Variants in GLIPR1L2 observed in about 807,000 individuals in gnomAD.
GLIPR1L2 encodes the protein GLIPR1 like 2.
A neutral mutation model predicts 28.4 loss-of-function variants in GLIPR1L2; 21 were observed. The ratio of observed to expected loss-of-function variants is 0.74; its 90% CI spans 0.52 to 1.06. The LOEUF (loss-of-function observed/expected upper bound fraction) is 1.06, where lower values mean the gene tolerates loss of function less well. GLIPR1L2 is among the 50% of genes least tolerant of loss of function. The probability of loss-of-function intolerance (pLI) is 0.00; values close to 1 mark genes in which losing one functional copy is unlikely to be tolerated. For missense variants in GLIPR1L2, 476 were observed against 416.9 expected, an observed-to-expected ratio of 1.14 and a Z score of -1.23; for synonymous variants, 145 against 139.3, an observed-to-expected ratio of 1.04 and a Z score of -0.29.
intron 3 of GLIPR1L2, among the ~76,000 whole-genome samples, chr12:75,416,743 C>T (rs1468013160): frequency 1.3e-5 from 2 of 152,056 alleles, no homozygotes; most frequent in African/African-American, 4.8e-5. Context: ...GTTGAAATTA[C>T]CCTTTTTTTC....
rs2045671700 is a variant in GLIPR1L2 at position 75,395,323 on chromosome 12, G to A, written c.234+3973G>A. Among the ~76,000 whole-genome samples the A allele has an allele frequency of 2.6e-5, 4 of 151,860 alleles. No homozygotes were observed. The South Asian group carries it at 8.3e-4, about 31-fold the overall frequency. ...TTCTTTTAATGTGTTGTTAAATTCA[G>A]CTGTTTTTAATGTGCTGTTAAATTC... On this transcript the variant is annotated intron_variant, in intron 1 of 5. Coordinates refer to ENST00000550916, the MANE Select transcript of GLIPR1L2 (RefSeq NM_001270396.2).
intron 1 of GLIPR1L2, among the ~76,000 whole-genome samples, chr12:75,395,370 A>G (rs944491108): frequency 2.0e-5 from 3 of 151,900 alleles, no homozygotes; most frequent in South Asian, 2.1e-4. Flanking sequence ...GAAGATTTTT[A>G]TATTAATATT....
intron 2 of GLIPR1L2, among the ~76,000 whole-genome samples, chr12:75,412,414 A>G (rs2045877244): frequency 6.6e-6 from 1 of 152,130 alleles, no homozygotes; most frequent in African/African-American, 2.4e-5. Context: ...GGCAACCTAC[A>G]AAATGGGGGA....
At chr12:75,404,424 C>A (rs546939958) in intron 1 of GLIPR1L2, among the ~76,000 whole-genome samples, 1 of 152,104 alleles carries the variant, frequency 6.6e-6, no homozygotes, top group South Asian at 2.1e-4. Flanking sequence ...TGAATCTTTG[C>A]CAAATAAGAC....
intron 3 of GLIPR1L2, among the ~76,000 whole-genome samples, chr12:75,421,601 TC>T (rs1430035544): frequency 6.6e-6 from 1 of 152,202 alleles, no homozygotes; most frequent in African/African-American, 2.4e-5. Flanking sequence ...CTCAAATGTA[TC>T]TTTTCCCTAC....
chr12:75,404,052 C>T (rs1229564800), intron 1 of GLIPR1L2, among the ~76,000 whole-genome samples: 1 of 152,108 alleles, frequency 6.6e-6, no homozygotes, highest in Admixed American at 6.6e-5. Context: ...AAAGCATTAG[C>T]CCTCATATTG....
intron 3 of GLIPR1L2, among the ~76,000 whole-genome samples, chr12:75,418,153 A>G (rs1468953770): frequency 6.6e-6 from 1 of 152,150 alleles, no homozygotes; most frequent in Non-Finnish European, 1.5e-5. Flanking sequence ...ATTGTGTTAT[A>G]TAGATGAGGG....
chr12:75,418,864 G>A (rs1376963015), intron 3 of GLIPR1L2, among the ~76,000 whole-genome samples: 2 of 151,892 alleles, frequency 1.3e-5, no homozygotes, highest in East Asian at 3.9e-4. Context: ...TCCTTTGCAG[G>A]GACATGGATG....
chr12:75,419,833 C>T (rs2045959411), intron 3 of GLIPR1L2, among the ~76,000 whole-genome samples: 1 of 152,278 alleles, frequency 6.6e-6, no homozygotes, highest in East Asian at 1.9e-4. Context: ...TTCATACTTT[C>T]GTTGACCTTG....
intron 1 of GLIPR1L2, among the ~76,000 whole-genome samples, chr12:75,406,347 T>C (rs572447881): frequency 4.1e-4 from 63 of 152,274 alleles, no homozygotes; most frequent in African/African-American, 1.5e-3. Flanking sequence ...GAACTTGAAA[T>C]TTCCCAGAAC....
rs1490954514 is a variant in GLIPR1L2 at position 75,412,763 on chromosome 12, C to A, written c.481-835C>A. Among the ~76,000 whole-genome samples, 8 of 152,066 alleles carry A rather than the reference C, an allele frequency of 5.3e-5. No homozygotes were observed. In the East Asian group the frequency reaches 1.5e-3, roughly 29 times the overall value. ...CTGTTGGTGGGACTGTAAACTAGTT[C>A]AACCCTTGTGGAAGTCAGTGTGGCG... On this transcript the variant is annotated intron_variant, in intron 2 of 5. Coordinates refer to ENST00000550916, the MANE Select transcript of GLIPR1L2 (RefSeq NM_001270396.2).
intron 4 of GLIPR1L2, chr12:75,423,308 G>C: frequency 1.7e-6 from 2 of 1,152,556 alleles, no homozygotes; most frequent in Non-Finnish European, 1.1e-6. Flanking sequence ...GATAATAACT[G>C]CTTTAAAGGA....
chr12:75,406,122 C>A (rs1443981382), intron 1 of GLIPR1L2, among the ~76,000 whole-genome samples: 1 of 148,080 alleles, frequency 6.8e-6, no homozygotes. Context: ...CAAGTATTCT[C>A]ACTTTTAAAA....
At chr12:75,398,882 T>C (rs1169031156) in intron 1 of GLIPR1L2, among the ~76,000 whole-genome samples, 1 of 152,174 alleles carries the variant, frequency 6.6e-6, no homozygotes, top group Non-Finnish European at 1.5e-5. Context: ...ATATATGTGA[T>C]TATCTAGACC....
At chr12:75,408,541 T>C (rs1390735332) in intron 1 of GLIPR1L2, among the ~76,000 whole-genome samples, 3 of 152,078 alleles carry the variant, frequency 2.0e-5, no homozygotes, top group East Asian at 1.9e-4. Flanking sequence ...GAATGAGGTA[T>C]GTGAAGTATA....
At chr12:75,416,681 A>T (rs905559095) in intron 3 of GLIPR1L2, among the ~76,000 whole-genome samples, 1 of 152,262 alleles carries the variant, frequency 6.6e-6, no homozygotes, top group South Asian at 2.1e-4. Flanking sequence ...TAATAAGAAT[A>T]GTGAGTACAG....
At chr12:75,428,855 G>A (rs1224873614) in intron 4 of GLIPR1L2, among the ~76,000 whole-genome samples, 1 of 152,224 alleles carries the variant, frequency 6.6e-6, no homozygotes, top group East Asian at 1.9e-4. Context: ...TAGCACCTTG[G>A]CAGCATCCAT....
Position 75,391,092 on chromosome 12 carries a change from C to G in GLIPR1L2, c.-25C>G. On this transcript the variant is annotated 5_prime_UTR_variant, in exon 1 of 6. Coordinates refer to ENST00000550916, the MANE Select transcript of GLIPR1L2 (RefSeq NM_001270396.2). The stretch of plus-strand genomic sequence containing the variant: ...CACTGGGACGGCCAGCGCGTGCGCA[C>G]TGGCCTGTCAGCGGCCGGTGGACCA... 6.4e-7 allele frequency: 1 copy of G among 1,560,202 alleles called. No homozygotes were observed. Among genetic ancestry groups the G allele is most frequent in the Non-Finnish European group, 8.8e-7 (1 of 1,134,238 alleles).
In GLIPR1L2 at chr12:75,391,101, C is replaced by T. The variant is rs951165297; in HGVS notation, c.-16C>T. The T allele has an allele frequency of 1.9e-6, 3 of 1,589,304 alleles. No homozygotes were observed. The African/African-American group carries it at 4.0e-5, about 21-fold the overall frequency. On this transcript the variant is annotated 5_prime_UTR_variant, in exon 1 of 6. Transcript: ENST00000550916. ...GGCCAGCGCGTGCGCACTGGCCTGT[C>T]AGCGGCCGGTGGACCATGGAGGCCG...
Sources: gnomAD v4.1 joint callset for allele counts (sites outside exome capture counted in the v4.1 genomes callset) on GRCh38, gnomAD v4.1.1 for gene constraint, MANE v1.5 for transcripts, NCBI Gene and HGNC (gene_info 2026-07-23, HGNC 2026-07-21) for gene names.